Variants in CHODL observed in about 807,000 individuals in gnomAD.
CHODL encodes transmembrane protein MT75.
A neutral mutation model predicts 34.5 loss-of-function variants in CHODL; 29 were observed. The observed-to-expected ratio is 0.84, with a 90% CI of 0.63 to 1.15. CHODL has a LOEUF of 1.15. Among genes scored for constraint, CHODL ranks in the 50% most tolerant of loss-of-function variants. The pLI is 0.00. For missense variants in CHODL, 332 were observed against 332.5 expected (o/e 1.00, Z 0.01); for synonymous variants, 125 against 116.1 (o/e 1.08, Z -0.49).
At chr21:18,085,902 G>A (rs897233775) in intron 2 of CHODL, among the ~76,000 whole-genome samples, 1 of 152,054 alleles carries the variant, frequency 6.6e-6, no homozygotes, top group Non-Finnish European at 1.5e-5. Context: ...TGACTCTCTT[G>A]CAAGACATGG....
chr21:18,127,486 T>G (rs930752419), intron 2 of CHODL, among the ~76,000 whole-genome samples: 12 of 152,078 alleles, frequency 7.9e-5, no homozygotes, highest in African/African-American at 2.7e-4. Flanking sequence ...ACCATCAATA[T>G]TTAGAAACCA....
chr21:18,167,219 G>C (rs1382260523), intron 2 of CHODL, among the ~76,000 whole-genome samples: 4,344 of 121,616 alleles, frequency 0.036, 147 homozygotes, highest in African/African-American at 0.08. Flanking sequence ...CTCTGTGTGT[G>C]TGTGTGTGTG....
At chr21:18,238,489 A>T (rs989987069) in intron 2 of CHODL, among the ~76,000 whole-genome samples, 2 of 152,138 alleles carry the variant, frequency 1.3e-5, no homozygotes, top group Non-Finnish European at 2.9e-5. Context: ...CCATGATTCA[A>T]GTTATCTCCC....
At chr21:18,144,024 A>G (rs1299632004) in intron 2 of CHODL, among the ~76,000 whole-genome samples, 1 of 152,120 alleles carries the variant, frequency 6.6e-6, no homozygotes, top group Non-Finnish European at 1.5e-5. Flanking sequence ...ACATTGGTCT[A>G]GTAATTTACA....
At chr21:17,944,619 A>T (rs1175242327) in intron 1 of CHODL, among the ~76,000 whole-genome samples, 1 of 152,174 alleles carries the variant, frequency 6.6e-6, no homozygotes, top group African/African-American at 2.4e-5. Context: ...AATAGTGGAA[A>T]TGCCCAAGCA....
chr21:18,158,350 C>T (rs2073057396), intron 2 of CHODL, among the ~76,000 whole-genome samples: 1 of 152,090 alleles, frequency 6.6e-6, no homozygotes, highest in Non-Finnish European at 1.5e-5. Flanking sequence ...AAAGTGGTAA[C>T]AGAAGGTGCT....
chr21:18,067,426 G>A (rs2064745433), intron 2 of CHODL, among the ~76,000 whole-genome samples: 1 of 152,176 alleles, frequency 6.6e-6, no homozygotes, highest in African/African-American at 2.4e-5. Context: ...GTCATGTGAA[G>A]ATAAAGGGAG....
At chr21:18,201,846 C>G (rs2073656564) in intron 2 of CHODL, among the ~76,000 whole-genome samples, 1 of 147,700 alleles carries the variant, frequency 6.8e-6, no homozygotes, top group Non-Finnish European at 1.5e-5. Flanking sequence ...ACTCTGTCGC[C>G]CAGGCTGGAG....
chr21:18,130,083 T>C (rs536955936), intron 2 of CHODL, among the ~76,000 whole-genome samples: 21 of 152,136 alleles, frequency 1.4e-4, no homozygotes, highest in Middle Eastern at 3.4e-3. Context: ...GATATCTATG[T>C]CTTAATCTGT....
At chr21:18,206,028 T>C (rs1300156402) in intron 2 of CHODL, among the ~76,000 whole-genome samples, 2 of 152,244 alleles carry the variant, frequency 1.3e-5, no homozygotes, top group East Asian at 3.9e-4. Flanking sequence ...TTTTTAAAAG[T>C]TTAACACTAG....
rs61739664 is a variant in CHODL at position 18,256,699 on chromosome 21, C to T, written c.270C>T (p.Pro90=). The T allele has an allele frequency of 1.8e-3, 2,946 of 1,613,942 alleles. 40 individuals are homozygous for T. The African/African-American group carries it at 0.032, about 17-fold the overall frequency. ...IESMLQNLTK[P]GTGISDGDFW... is the part of the protein sequence containing the mutation. Reference sequence around the variant, plus strand: ...GCATGTTGCAAAACCTGACAAAACCCGGGACAGGGATTTCTGATGGTGATT... The same window carrying T: ...GCATGTTGCAAAACCTGACAAAACCTGGGACAGGGATTTCTGATGGTGATT... Residue 90 remains proline, a synonymous_variant, in exon 2 of 6, where the codon CCC becomes CCT. Transcript: ENST00000299295.
At chr21:17,921,881 G>C (rs1309601035) in intron 1 of CHODL, among the ~76,000 whole-genome samples, 1 of 152,176 alleles carries the variant, frequency 6.6e-6, no homozygotes, top group Non-Finnish European at 1.5e-5. Flanking sequence ...ACTGTGAGTA[G>C]TAATAAGCAT....
chr21:18,233,830 T>A (rs1394788490), intron 2 of CHODL, among the ~76,000 whole-genome samples: 1 of 152,156 alleles, frequency 6.6e-6, no homozygotes, highest in Admixed American at 6.6e-5. Flanking sequence ...CAGTGTGACT[T>A]ACAACAATAA....
rs1044903143 is a variant in CHODL at position 18,253,377 on chromosome 21, A to G, written c.80-3132A>G. ...AACAATCTTCTTAGGGAAATTTAAT[A>G]TTTCAAAAGTGCTGGGATAAAATCC... On this transcript the variant is annotated intron_variant, in intron 1 of 5. Transcript: ENST00000299295. Among the ~76,000 whole-genome samples the G allele has an allele frequency of 1.3e-4, 20 of 152,154 alleles. No individual in the cohort carries two copies. In the East Asian group the frequency reaches 1.5e-3, roughly 12 times the overall value.
intron 2 of CHODL, among the ~76,000 whole-genome samples, chr21:18,038,710 G>C (rs1419556117): frequency 6.6e-6 from 1 of 151,660 alleles, no homozygotes; most frequent in South Asian, 2.1e-4. Context: ...ACATACTTCA[G>C]AGTAGAGGTG....
chr21:18,160,042 T>C (rs762177853), intron 2 of CHODL, among the ~76,000 whole-genome samples: 4 of 152,254 alleles, frequency 2.6e-5, no homozygotes, highest in Non-Finnish European at 4.4e-5. Flanking sequence ...TCTTTTAAAC[T>C]ATTAAATTTG....
intron 2 of CHODL, among the ~76,000 whole-genome samples, chr21:18,124,358 A>C (rs2065517205): frequency 6.6e-6 from 1 of 152,186 alleles, no homozygotes; most frequent in African/African-American, 2.4e-5. Flanking sequence ...GCTTGGCCCT[A>C]CACCAGTATA....
intron 2 of CHODL, among the ~76,000 whole-genome samples, chr21:18,220,085 A>G (rs1481573717): frequency 6.6e-6 from 1 of 152,152 alleles, no homozygotes; most frequent in Non-Finnish European, 1.5e-5. Context: ...TAAGTTATTA[A>G]TCATTTAAAT....
chr21:18,149,758 G>T (rs1190819817), intron 2 of CHODL, among the ~76,000 whole-genome samples: 1 of 152,182 alleles, frequency 6.6e-6, no homozygotes. Context: ...TCCTTTGATA[G>T]GACACTGGCT....
Sources: allele counts gnomAD v4.1 joint callset (sites outside exome capture counted in the v4.1 genomes callset), GRCh38; gene constraint gnomAD v4.1.1; transcripts MANE v1.5; gene names NCBI Gene and HGNC (gene_info 2026-07-23, HGNC 2026-07-21).